MSL1: variants seen among roughly 807,000 people sequenced by gnomAD.
The protein encoded by MSL1 is male-specific lethal 1 homolog.
Under a neutral mutation model 64.6 loss-of-function variants are expected in MSL1, and 21 were observed. The ratio of observed to expected loss-of-function variants is 0.33; its 90% CI spans 0.23 to 0.47. The LOEUF (loss-of-function observed/expected upper bound fraction) is 0.47, where lower values mean the gene tolerates loss of function less well. MSL1 is among the 20% of genes least tolerant of loss of function. MSL1 has a pLI of 1.00. For missense variants in MSL1, 664 were observed against 793.2 expected (o/e 0.84, Z 1.96); for synonymous variants, 339 against 329.6 (o/e 1.03, Z -0.31).
intron 1 of MSL1, chr17:40,124,663 CGTAA>C (rs932676257): frequency 6.6e-6 from 1 of 151,868 alleles, no homozygotes; most frequent in African/African-American, 2.4e-5. Flanking sequence ...GTGATGGTAC[CGTAA>C]TTACAACACA....
chr17:40,129,252 C>G lies in MSL1; in HGVS notation c.1000C>G (p.Pro334Ala). The change falls in exon 3 of 9, where the codon CCA becomes GCA. Residue 334 changes from proline to alanine, a missense_variant. Around this residue, in one of 4 missense-constraint regions of MSL1, gnomAD observed 466 missense variants for 499.0 expected, o/e 0.93. Transcript: ENST00000398532. ...TTCTTCCCTATCTAATAGGAAATCCCCATTTGGAAGTACAGAAAGAAAGAC... is the reference window on the plus strand; with the variant it reads ...TTCTTCCCTATCTAATAGGAAATCCGCATTTGGAAGTACAGAAAGAAAGAC... Reference protein sequence around the residue: ...RSGKGHKRKSPFGSTERKTPV... With the variant: ...RSGKGHKRKSAFGSTERKTPV... 2 of 1,547,810 alleles carry G rather than the reference C, an allele frequency of 1.3e-6. No individual in the cohort carries two copies. Among genetic ancestry groups the G allele is most frequent in the Non-Finnish European group, 1.7e-6 (2 of 1,154,496 alleles).
intron 5 of MSL1, 116 bp from the exon 6 acceptor site, chr17:40,132,926 C>T: frequency 2.2e-6 from 2 of 914,522 alleles, no homozygotes; most frequent in Non-Finnish European, 3.4e-6. Flanking sequence ...CCCACAGACT[C>T]AGGTAGAACC....
Position 40,134,401 on chromosome 17 carries a change from T to C in MSL1, c.*32T>C. The C allele has an allele frequency of 6.5e-7, 1 of 1,535,792 alleles. No individual in the cohort carries two copies. Among genetic ancestry groups the C allele is most frequent in the Non-Finnish European group, 8.8e-7 (1 of 1,132,328 alleles). ...TGGCAAGAACCCTGTCTTCAGATAG[T>C]TGTAGCATGCCATTCCCGAGAGTGG... On this transcript the variant is annotated 3_prime_UTR_variant, in exon 9 of 9. Coordinates refer to ENST00000398532, the MANE Select transcript of MSL1 (RefSeq NM_001365919.1).
chr17:40,123,469 C>CT, intron 1 of MSL1, 89 bp downstream of exon 1: 1 of 1,335,634 alleles, frequency 7.5e-7, no homozygotes. Flanking sequence ...AAGGCACCCC[C>CT]GGGTTAGGGG....
At position 40,123,340 on chromosome 17, in the gene MSL1, A is replaced by G; in HGVS notation, c.728A>G (p.Lys243Arg). 1 of 1,536,482 alleles carries G rather than the reference A, an allele frequency of 6.5e-7. No individual in the cohort carries two copies. The highest frequency in any genetic ancestry group is 8.7e-7 in the Non-Finnish European group (1 of 1,146,902). Residue 243 changes from lysine to arginine, a missense_variant, in exon 1 of 9, where the codon AAG becomes AGG. Around this residue, in one of 4 missense-constraint regions of MSL1, gnomAD observed 466 missense variants for 499.0 expected, o/e 0.93. Coordinates refer to ENST00000398532, the MANE Select transcript of MSL1 (RefSeq NM_001365919.1). ...CAGCAGCAGCAGCAGCTGCAGGCCA[A>G]GGAAAAGGAGATCGAGGAGCTGAAG... ...IEQQQQQLQA[K>R]EKEIEELKSE...
rs1474095390 is a variant in MSL1, at chr17:40,122,681, G to A, written c.69G>A (p.Leu23=). Residue 23 remains leucine (L), a synonymous_variant, in exon 1 of 9, where the codon CTG becomes CTA. Coordinates refer to ENST00000398532, the MANE Select transcript of MSL1 (RefSeq NM_001365919.1). This position sits in a 1 kb window ranked among gnomAD's most constrained non-coding sequence, Gnocchi z 4.2. ...CCGGCGGCAATCCTGAGCAGCGACT[G>A]GACTACGAGCGGGCTGCGGCGCTGG... ...APAGGNPEQR[L]DYERAAALGG... The A allele has an allele frequency of 2.7e-6, 4 of 1,490,060 alleles. No individual in the cohort carries two copies. The highest frequency in any genetic ancestry group is 1.5e-5 in the African/African-American group (1 of 68,640). 92.3% of individuals were successfully genotyped at this position (1,490,060 alleles called of 1,614,324 possible). A position where few individuals can be genotyped will look rare whatever the true frequency, so the allele number is the denominator to read the frequency against.
In MSL1 at chr17:40,123,172, C is replaced by G. The variant is rs1988230659; in HGVS notation, c.560C>G (p.Ala187Gly). Residue 187 changes from alanine to glycine, a missense_variant, in exon 1 of 9, where the codon GCC becomes GGC. Physicochemically the swap from Ala to Gly is moderately conservative, Grantham distance 60 (BLOSUM62 0). This residue lies in a region of MSL1 where 466 missense variants were observed against 499.0 expected (regional missense o/e 0.93). Transcript: ENST00000398532. ...LPGPPPLAPTATAGTLAASEG... is the reference protein window; with the variant it reads ...LPGPPPLAPTGTAGTLAASEG... ...GGGCCGCCACCCCTCGCGCCCACCGCCACCGCCGGGACCCTGGCGGCCAGC... is the reference window on the plus strand; with the variant it reads ...GGGCCGCCACCCCTCGCGCCCACCGGCACCGCCGGGACCCTGGCGGCCAGC... 2.0e-6 allele frequency: 3 copies of G among 1,534,704 alleles called. No individual in the cohort carries two copies. Among genetic ancestry groups the G allele is most frequent in the East Asian group, 2.4e-5 (1 of 40,864 alleles).
At chr17:40,124,051 T>A (rs1988256863) in intron 1 of MSL1, among the ~76,000 whole-genome samples, 1 of 152,106 alleles carries the variant, frequency 6.6e-6, no homozygotes, top group East Asian at 1.9e-4. Flanking sequence ...AAAGTAAGCT[T>A]ATTAAATGTA....
intron 7 of MSL1, 27 bp downstream of exon 7, chr17:40,133,685 G>A: frequency 3.1e-6 from 5 of 1,611,572 alleles, no homozygotes; most frequent in South Asian, 1.1e-5. Context: ...TAAAAGAGTA[G>A]GTTTTTGAAA....
intron 1 of MSL1, among the ~76,000 whole-genome samples, chr17:40,124,386 C>T (rs2145126924): frequency 6.6e-6 from 1 of 151,918 alleles, no homozygotes; most frequent in East Asian, 1.9e-4. Flanking sequence ...TCTCTCTCTC[C>T]CTCCCTCCCC....
Position 40,131,565 on chromosome 17 carries a change from A to C in MSL1, c.1404A>C (p.Gly468=). The change falls in exon 4 of 9, where the codon GGA becomes GGC. Residue 468 remains glycine, a synonymous_variant. Coordinates refer to ENST00000398532, the MANE Select transcript of MSL1 (RefSeq NM_001365919.1). This position sits in a 1 kb window ranked among gnomAD's most constrained non-coding sequence, Gnocchi z 4.5. ...GTCTGATGCCATCAAGTGTTGCAGG[A>C]GAAACTTCAGTCTTGGCTGGTGAGT... ...ARCLMPSSVA[G]ETSVLAVPSW... The C allele has an allele frequency of 6.2e-7, 1 of 1,613,590 alleles. No individual in the cohort carries two copies. The highest frequency in any genetic ancestry group is 8.5e-7 in the Non-Finnish European group (1 of 1,179,768).
intron 1 of MSL1, chr17:40,124,663 C>T (rs117374443): frequency 0.016 from 2,402 of 151,986 alleles, 31 homozygotes; most frequent in Non-Finnish European, 0.024. Flanking sequence ...GTGATGGTAC[C>T]GTAATTACAA....
At chr17:40,133,469 T>C (rs1366244544) in intron 6 of MSL1, 65 bp from the exon 7 acceptor site, 2 of 1,547,576 alleles carry the variant, frequency 1.3e-6, no homozygotes, top group East Asian at 4.7e-5. Context: ...GTTGCTTTTA[T>C]AGAGCAGGTT....
chr17:40,122,000 C>T lies in MSL1; in HGVS notation c.-613C>T, dbSNP rs1338765848. On this transcript the variant is annotated 5_prime_UTR_variant, in exon 1 of 9. Transcript: ENST00000398532. ...GTCCTCCGGTTGGCGGCGGCTGCGG[C>T]GGTGGCGGCTACGAGCGGCTCCGTT... is the stretch of plus-strand genomic sequence containing the variant. Among the ~76,000 whole-genome samples, 1 of 151,880 alleles carries T rather than the reference C, an allele frequency of 6.6e-6. No individual in the cohort carries two copies. Among genetic ancestry groups the T allele is most frequent in the Non-Finnish European group, 1.5e-5 (1 of 67,890 alleles).
At position 40,135,881 on chromosome 17, in the gene MSL1, G is replaced by C. The variant is rs1400913242; in HGVS notation, c.*1512G>C. 6.6e-6 allele frequency: 1 copy of C among 151,990 alleles called. No individual in the cohort carries two copies. Among genetic ancestry groups the C allele is most frequent in the African/African-American group, 2.4e-5 (1 of 41,324 alleles). 9.4% of individuals were successfully genotyped at this position (151,990 alleles called of 1,614,324 possible). Reference sequence around the variant, plus strand: ...TGTGTGTGGCTATGGGTTTTCATTTGTAACTCCATCTGCTTAGGAGAGTGG... The same window carrying C: ...TGTGTGTGGCTATGGGTTTTCATTTCTAACTCCATCTGCTTAGGAGAGTGG... On this transcript the variant is annotated 3_prime_UTR_variant, in exon 9 of 9. Transcript: ENST00000398532.
rs12773 is a variant in MSL1, at chr17:40,122,921, C to T, written c.309C>T (p.Pro103=). The T allele has an allele frequency of 2.0e-6, 3 of 1,514,650 alleles. No individual in the cohort carries two copies. The highest frequency in any genetic ancestry group is 2.6e-5 in the East Asian group (1 of 38,530). The allele number at this position is 1,514,650 out of a possible 1,614,324, so 93.8% of individuals were successfully genotyped here. ...EESWGGSVPL[P]CPPPATKQAG... ...GCTGGGGCGGTTCGGTGCCCTTGCC[C>T]TGTCCGCCCCCGGCCACCAAGCAAG... The change falls in exon 1 of 9, where the codon CCC becomes CCT. Residue 103 remains proline (P), a synonymous_variant. Coordinates refer to ENST00000398532, the MANE Select transcript of MSL1 (RefSeq NM_001365919.1). The surrounding 1 kb of genome is among the most constrained non-coding windows in gnomAD (Gnocchi z 4.2).
chr17:40,123,504 G>A (rs1193620388), intron 1 of MSL1, 124 bp downstream of exon 1: 3 of 886,152 alleles, frequency 3.4e-6, no homozygotes, highest in South Asian at 3.1e-5. Flanking sequence ...CACCGGCAAA[G>A]GAGTATCTTA....
At chr17:40,123,796 G>A (rs1301390980) in intron 1 of MSL1, among the ~76,000 whole-genome samples, 1 of 152,212 alleles carries the variant, frequency 6.6e-6, no homozygotes, top group Non-Finnish European at 1.5e-5. Flanking sequence ...GTAGCAAGCA[G>A]CTGTTGCTTT....
In MSL1 at chr17:40,129,437, C is replaced by T; in HGVS notation, c.1185C>T (p.Asp395=). 2 of 1,613,302 alleles carry T rather than the reference C, an allele frequency of 1.2e-6. No individual in the cohort carries two copies. Among genetic ancestry groups the T allele is most frequent in the South Asian group, 1.1e-5 (1 of 90,992 alleles). ...ETPEKPRSSV[D]TPPRLSTPQK... is the part of the protein sequence containing the mutation. The stretch of plus-strand genomic sequence containing the variant: ...CAGAAAAGCCCCGGTCTTCAGTGGA[C>T]ACCCCACCAAGACTCTCCACTCCCC... The change falls in exon 3 of 9, where the codon GAC becomes GAT. Residue 395 remains aspartate, a synonymous_variant. Coordinates refer to ENST00000398532, the MANE Select transcript of MSL1 (RefSeq NM_001365919.1).
Sources: gnomAD v4.1 joint callset for allele counts (sites outside exome capture counted in the v4.1 genomes callset) on GRCh38, gnomAD v4.1.1 for gene constraint, gnomAD v4.1.1 regional missense constraint, Gnocchi (gnomAD v3.1) non-coding constraint, MANE v1.5 for transcripts, NCBI Gene and HGNC (gene_info 2026-07-23, HGNC 2026-07-21) for gene names.